PRKD1: variants seen among roughly 807,000 people sequenced by gnomAD.
PRKD1 encodes serine/threonine-protein kinase D1.
PRKD1 carries 63 observed loss-of-function variants against 95.9 expected under a neutral mutation model. The observed-to-expected ratio is 0.66, with a 90% CI of 0.54 to 0.81. The LOEUF (loss-of-function observed/expected upper bound fraction) is 0.81, where lower values mean the gene tolerates loss of function less well. Ranked by LOEUF, PRKD1 falls within the 30% of genes least tolerant of loss-of-function variation. The probability of loss-of-function intolerance (pLI) is 0.00; values close to 1 mark genes in which losing one functional copy is unlikely to be tolerated. For missense variants in PRKD1, 1,048 were observed against 1,165.3 expected, an observed-to-expected ratio of 0.90 and a Z score of 1.47; for synonymous variants, 425 against 423.1, an observed-to-expected ratio of 1.00 and a Z score of -0.05.
chr14:29,778,108 C>T (rs948912344), intron 1 of PRKD1, among the ~76,000 whole-genome samples: 1 of 152,162 alleles, frequency 6.6e-6, no homozygotes, highest in Non-Finnish European at 1.5e-5. Flanking sequence ...AGAACAAAGA[C>T]ACAACATACC....
intron 1 of PRKD1, among the ~76,000 whole-genome samples, chr14:29,909,139 G>A (rs1421892782): frequency 6.6e-6 from 1 of 152,180 alleles, no homozygotes; most frequent in African/African-American, 2.4e-5. Context: ...TTAGCACCTG[G>A]GCCAGCAGCT....
intron 13 of PRKD1, among the ~76,000 whole-genome samples, chr14:29,619,233 T>C (rs528797778): frequency 1.2e-4 from 19 of 152,126 alleles, no homozygotes; most frequent in Admixed American, 3.3e-4. Flanking sequence ...CCCATTACTA[T>C]TTTGTCTCTT....
At chr14:29,707,801 T>C (rs1455452298) in intron 2 of PRKD1, among the ~76,000 whole-genome samples, 1 of 152,108 alleles carries the variant, frequency 6.6e-6, no homozygotes, top group Non-Finnish European at 1.5e-5. Context: ...TGACTCTAGA[T>C]TGTGTCTGTC....
chr14:29,838,684 T>C (rs1320363929), intron 1 of PRKD1, among the ~76,000 whole-genome samples: 1 of 152,166 alleles, frequency 6.6e-6, no homozygotes, highest in Non-Finnish European at 1.5e-5. Context: ...CAGGGATCTA[T>C]ATATAAGAGG....
chr14:29,863,139 T>C (rs1287439778), intron 1 of PRKD1, among the ~76,000 whole-genome samples: 1 of 152,198 alleles, frequency 6.6e-6, no homozygotes, highest in Admixed American at 6.5e-5. Flanking sequence ...AATACACATA[T>C]ATTAAGTAAA....
intron 1 of PRKD1, among the ~76,000 whole-genome samples, chr14:29,813,577 GCCACAGAGA>G (rs1264579524): frequency 6.6e-6 from 1 of 152,066 alleles, no homozygotes; most frequent in East Asian, 1.9e-4. Flanking sequence ...AATCTGCAGG[GCCACAGAGA>G]CAGACACTAC....
chr14:29,706,848 C>T (rs757684566), intron 2 of PRKD1, among the ~76,000 whole-genome samples: 9 of 152,026 alleles, frequency 5.9e-5, no homozygotes, highest in Non-Finnish European at 8.8e-5. Context: ...GTTGCCTCAC[C>T]CAAATGTGGT....
At chr14:29,866,734 A>C (rs1892920813) in intron 1 of PRKD1, among the ~76,000 whole-genome samples, 1 of 152,188 alleles carries the variant, frequency 6.6e-6, no homozygotes, top group Non-Finnish European at 1.5e-5. Flanking sequence ...CATAGAGCAG[A>C]TCTAAACAGG....
chr14:29,903,212 G>C (rs1296845485), intron 1 of PRKD1, among the ~76,000 whole-genome samples: 1 of 152,144 alleles, frequency 6.6e-6, no homozygotes, highest in Non-Finnish European at 1.5e-5. Context: ...ATAATGTATT[G>C]GCCTTCCCTA....
At position 29,721,072 on chromosome 14, in the gene PRKD1, T is replaced by C. The variant is rs146964899; in HGVS notation, c.403+4464A>G. 5.5e-3 allele frequency among the ~76,000 whole-genome samples: 838 copies of C among 152,316 alleles called. 5 individuals are homozygous for C. Among genetic ancestry groups the C allele is most frequent in the African/African-American group, 0.019 (791 of 41,570 alleles). On this transcript the variant is annotated intron_variant, in intron 2 of 17. Transcript: ENST00000331968. ...ACTACATCAAAATGGTTATTATGTT[T>C]GTTCACTTTTACTTCTAAAATATTT...
At chr14:29,736,366 C>T (rs926136785) in intron 1 of PRKD1, among the ~76,000 whole-genome samples, 2 of 151,974 alleles carry the variant, frequency 1.3e-5, no homozygotes, top group African/African-American at 4.8e-5. Flanking sequence ...GTCTGGAAGG[C>T]GAAAAGTGTA....
chr14:29,711,779 G>A (rs1348304273), intron 2 of PRKD1, among the ~76,000 whole-genome samples: 2 of 152,006 alleles, frequency 1.3e-5, no homozygotes, highest in Non-Finnish European at 2.9e-5. Flanking sequence ...AGTAAATAAA[G>A]GCCTATCAAG....
intron 1 of PRKD1, among the ~76,000 whole-genome samples, chr14:29,805,479 A>G (rs989303971): frequency 1.3e-5 from 2 of 152,264 alleles, no homozygotes; most frequent in East Asian, 1.9e-4. Context: ...GAATGCTAAT[A>G]GAAGGCTGAA....
intron 13 of PRKD1, among the ~76,000 whole-genome samples, chr14:29,622,958 A>G (rs10149185): frequency 1 from 152,173 of 152,334 alleles, 76,006 homozygotes; most frequent in East Asian, 1. Context: ...CTTCCTTCAG[A>G]AGACCACAGT....
intron 11 of PRKD1, 69 bp downstream of exon 11, chr14:29,628,972 C>T (rs1037007986): frequency 2.0e-5 from 23 of 1,137,294 alleles, no homozygotes; most frequent in Non-Finnish European, 2.8e-5. Flanking sequence ...ATTAAAAAAA[C>T]TATTTTATGA....
intron 1 of PRKD1, among the ~76,000 whole-genome samples, chr14:29,847,553 C>A (rs958784042): frequency 3.3e-5 from 5 of 151,784 alleles, no homozygotes; most frequent in African/African-American, 1.2e-4. Flanking sequence ...TAAAAAAAAA[C>A]AAATCTTTAA....
rs142140143 is a variant in PRKD1, at chr14:29,626,148, T to A, written c.1798+336A>T. Among the ~76,000 whole-genome samples the A allele has an allele frequency of 2.3e-3, 356 of 152,274 alleles. 1 individual carries two copies. The highest frequency in any genetic ancestry group is 7.6e-3 in the African/African-American group (314 of 41,566). On this transcript the variant is annotated intron_variant, in intron 12 of 17. Transcript: ENST00000331968. ...TCTGATCAAGTACGCCAAAAGAAAA[T>A]GGAATTAATTTGTTTACAAATCACA...
chr14:29,917,988 T>C (rs1465864168), intron 1 of PRKD1, among the ~76,000 whole-genome samples: 1 of 152,054 alleles, frequency 6.6e-6, no homozygotes, highest in Non-Finnish European at 1.5e-5. Flanking sequence ...GTTACATAGG[T>C]AAACTTGTGT....
intron 1 of PRKD1, among the ~76,000 whole-genome samples, chr14:29,754,301 C>G (rs1324909855): frequency 1.3e-5 from 2 of 152,124 alleles, no homozygotes; most frequent in African/African-American, 4.8e-5. Flanking sequence ...TTAGTGTTGT[C>G]CACGCTGTCC....
Sources: allele counts gnomAD v4.1 joint callset (sites outside exome capture counted in the v4.1 genomes callset), GRCh38; gene constraint gnomAD v4.1.1; transcripts MANE v1.5; gene names NCBI Gene and HGNC (gene_info 2026-07-23, HGNC 2026-07-21).